GRIN2A: variants seen among roughly 807,000 people sequenced by gnomAD.
The protein encoded by GRIN2A is glutamate ionotropic receptor NMDA type subunit 2A, also known as glutamate receptor ionotropic, NMDA 2A.
Under a neutral mutation model 113.4 loss-of-function variants are expected in GRIN2A, and 22 were observed. The ratio of observed to expected loss-of-function variants is 0.19; its 90% CI spans 0.14 to 0.28. The LOEUF (loss-of-function observed/expected upper bound fraction) is 0.28, where lower values mean the gene tolerates loss of function less well. Among genes scored for constraint, GRIN2A ranks in the 10% least tolerant of loss-of-function variants. The probability of loss-of-function intolerance (pLI) is 1.00; values close to 1 mark genes in which losing one functional copy is unlikely to be tolerated. For synonymous variants in GRIN2A, 827 were observed against 738.4 expected (o/e 1.12, Z -1.94); for missense variants, 1,502 against 1,887.0 (o/e 0.80, Z 3.78).
intron 2 of GRIN2A, among the ~76,000 whole-genome samples, chr16:9,951,653 G>A (rs192676601): frequency 2.3e-3 from 352 of 152,292 alleles, no homozygotes; most frequent in African/African-American, 8.2e-3. Flanking sequence ...GTGGAAAAGG[G>A]AGAGATTTTA....
At chr16:9,807,377 AGGGGGAGGGAGAGAGG>A (rs2042000976) in intron 10 of GRIN2A, among the ~76,000 whole-genome samples, 1 of 34,474 alleles carries the variant, frequency 2.9e-5, no homozygotes, top group African/African-American at 1.4e-4. Context: ...GGGGAGGGAG[AGGGGGAGGGAGAGAGG>A]GAGGGAGGGA....
chr16:9,938,837 CCTTT>C (rs2044784290), intron 2 of GRIN2A, among the ~76,000 whole-genome samples: 1 of 152,168 alleles, frequency 6.6e-6, no homozygotes, highest in Admixed American at 6.5e-5. Flanking sequence ...GCCCCTTCCT[CCTTT>C]GAGTCTATAT....
intron 2 of GRIN2A, among the ~76,000 whole-genome samples, chr16:9,944,402 C>T (rs541454913): frequency 1.4e-4 from 21 of 152,254 alleles, no homozygotes; most frequent in African/African-American, 5.1e-4. Flanking sequence ...AAAACAACTA[C>T]TCCACCACCA....
chr16:9,875,976 G>C (rs1383989460), intron 4 of GRIN2A, among the ~76,000 whole-genome samples: 1 of 152,118 alleles, frequency 6.6e-6, no homozygotes, highest in Non-Finnish European at 1.5e-5. Context: ...GTTGGTAGAA[G>C]AGCTGAGGCA....
chr16:10,042,375 C>A (rs1442454894), intron 2 of GRIN2A, among the ~76,000 whole-genome samples: 1 of 152,032 alleles, frequency 6.6e-6, no homozygotes, highest in Non-Finnish European at 1.5e-5. Flanking sequence ...TGAGGGACTT[C>A]AAGCAGCCCC....
rs371732627 is a variant in GRIN2A, at chr16:9,869,107, G to A, written c.1123-19146C>T. On this transcript the variant is annotated intron_variant, in intron 4 of 12. Transcript: ENST00000330684. ...TTATGGCCCTCGTACCCAGCCCAGG[G>A]CTGCTTACATAATAGATGCACAAAT... Among the ~76,000 whole-genome samples, 3 of 152,252 alleles carry A rather than the reference G, an allele frequency of 2.0e-5. No individual in the cohort carries two copies. The East Asian group carries it at 5.8e-4, about 29-fold the overall frequency.
intron 2 of GRIN2A, among the ~76,000 whole-genome samples, chr16:9,977,066 T>G (rs530400616): frequency 2.9e-4 from 44 of 152,320 alleles, no homozygotes; most frequent in African/African-American, 1.1e-3. Flanking sequence ...TAGTGATTAA[T>G]CTCTCACCAG....
intron 2 of GRIN2A, among the ~76,000 whole-genome samples, chr16:10,134,990 A>G (rs1055504613): frequency 6.6e-6 from 1 of 152,328 alleles, no homozygotes; most frequent in Middle Eastern, 3.4e-3. Flanking sequence ...TCCTGATAGT[A>G]AATCTCCTAA....
chr16:10,075,077 A>C (rs1410433903), intron 2 of GRIN2A, among the ~76,000 whole-genome samples: 1 of 152,162 alleles, frequency 6.6e-6, no homozygotes, highest in African/African-American at 2.4e-5. Context: ...ACGCCAGGCC[A>C]CATGGGTTAA....
intron 2 of GRIN2A, among the ~76,000 whole-genome samples, chr16:10,090,999 C>T (rs1056643768): frequency 6.6e-6 from 1 of 152,160 alleles, no homozygotes; most frequent in African/African-American, 2.4e-5. Context: ...GATTCCACTT[C>T]CATATACACA....
At chr16:9,823,319 G>C (rs1029656559) in intron 9 of GRIN2A, among the ~76,000 whole-genome samples, 2 of 152,124 alleles carry the variant, frequency 1.3e-5, no homozygotes, top group Non-Finnish European at 2.9e-5. Context: ...TGGAAAATTG[G>C]GTTCTATCAC....
intron 2 of GRIN2A, among the ~76,000 whole-genome samples, chr16:9,946,911 C>T (rs1224956933): frequency 6.6e-6 from 1 of 152,212 alleles, no homozygotes; most frequent in Non-Finnish European, 1.5e-5. Flanking sequence ...GTTCAAGCCA[C>T]ACCTGAAGAC....
chr16:10,081,185 C>G (rs1300141143), intron 2 of GRIN2A, among the ~76,000 whole-genome samples: 3 of 152,244 alleles, frequency 2.0e-5, no homozygotes, highest in Non-Finnish European at 2.9e-5. Flanking sequence ...GGCAACTGCA[C>G]TCACTGCTAC....
chr16:9,997,772 A>G (rs190135925), intron 2 of GRIN2A, among the ~76,000 whole-genome samples: 22 of 152,304 alleles, frequency 1.4e-4, no homozygotes, highest in Admixed American at 1.4e-3. Context: ...TGCTATTCTC[A>G]TGATAGTGAA....
chr16:9,995,353 G>T (rs934619169), intron 2 of GRIN2A, among the ~76,000 whole-genome samples: 7 of 152,142 alleles, frequency 4.6e-5, no homozygotes, highest in African/African-American at 1.2e-4. Context: ...TTTTTAAGCA[G>T]GTTCATGGAG....
At chr16:10,147,851 C>T (rs1268742630) in intron 2 of GRIN2A, among the ~76,000 whole-genome samples, 1 of 152,168 alleles carries the variant, frequency 6.6e-6, no homozygotes, top group Non-Finnish European at 1.5e-5. Flanking sequence ...GCTATAACCA[C>T]CCTGCCTACT....
At chr16:9,811,653 G>C (rs1567315866) in intron 10 of GRIN2A, among the ~76,000 whole-genome samples, 1 of 152,140 alleles carries the variant, frequency 6.6e-6, no homozygotes, top group Non-Finnish European at 1.5e-5. Flanking sequence ...CCAGTACTCG[G>C]GATGCTGAGG....
intron 2 of GRIN2A, among the ~76,000 whole-genome samples, chr16:10,169,215 C>T (rs1310836995): frequency 1.2e-4 from 18 of 152,020 alleles, no homozygotes; most frequent in Admixed American, 1.2e-3. Flanking sequence ...CCTAAAGGCC[C>T]TTTTTCTGCA....
chr16:10,013,408 C>G (rs914233176), intron 2 of GRIN2A, among the ~76,000 whole-genome samples: 3 of 152,198 alleles, frequency 2.0e-5, no homozygotes, highest in African/African-American at 7.2e-5. Flanking sequence ...TAAGTGAGAG[C>G]TTTAATATTT....
Sources: gnomAD v4.1 joint callset for allele counts (sites outside exome capture counted in the v4.1 genomes callset) on GRCh38, gnomAD v4.1.1 for gene constraint, MANE v1.5 for transcripts, NCBI Gene and HGNC (gene_info 2026-07-23, HGNC 2026-07-21) for gene names.